RAPGEFL1: variants seen among roughly 807,000 people sequenced by gnomAD.
The protein encoded by RAPGEFL1 is Rap guanine nucleotide exchange factor like 1.
In RAPGEFL1, 31 loss-of-function variants were observed where a neutral mutation model predicts 64.4. The ratio of observed to expected loss-of-function variants is 0.48; its 90% CI spans 0.36 to 0.65. The LOEUF is 0.65. RAPGEFL1 is among the 30% of genes least tolerant of loss of function. The probability of loss-of-function intolerance (pLI) is 0.00; values close to 1 mark genes in which losing one functional copy is unlikely to be tolerated. For synonymous variants in RAPGEFL1, 331 were observed against 274.1 expected, an observed-to-expected ratio of 1.21 and a Z score of -2.05; for missense variants, 682 against 677.4, an observed-to-expected ratio of 1.01 and a Z score of -0.08.
intron 5 of RAPGEFL1, 74 bp from the exon 6 acceptor site, chr17:40,189,134 G>A: frequency 1.3e-6 from 2 of 1,538,582 alleles, no homozygotes; most frequent in Non-Finnish European, 1.8e-6. Flanking sequence ...GGGAATAGAG[G>A]CACCCTGGAG....
In RAPGEFL1 at chr17:40,184,312, T is replaced by C. The variant is rs780401699; in HGVS notation, c.698T>C (p.Leu233Pro). Residue 233 changes from leucine to proline, a missense_variant, in exon 3 of 15, where the codon CTG becomes CCG. By Grantham distance (98) the Leu-to-Pro change is moderately conservative (BLOSUM62 -3). Transcript: ENST00000620260. ...CATTTCTTGGACACCTACCAGGGGC[T>C]GCTTCAAGAGGAAGAGGGGGCCGGC... ...LLHFLDTYQG[L>P]LQEEEGAGHI... The C allele has an allele frequency of 1.9e-6, 3 of 1,613,488 alleles. No homozygotes were observed. In the South Asian group the frequency reaches 3.3e-5, roughly 18 times the overall value.
At chr17:40,192,777 C>T (rs964860885) in intron 12 of RAPGEFL1, 84 bp downstream of exon 12, 32 of 1,433,910 alleles carry the variant, frequency 2.2e-5, no homozygotes, top group East Asian at 9.1e-5. Flanking sequence ...AGCTCCCTCT[C>T]GACTCAGCCC....
chr17:40,181,434 G>C lies in RAPGEFL1; in HGVS notation c.521-182G>C, dbSNP rs926887921. ...AGCTGCCGAACCCACCCTCGCAGTG[G>C]CTGCCCAGAACCTTTACACATGTAT... is the stretch of plus-strand genomic sequence containing the variant. On this transcript the variant is annotated intron_variant, in intron 1 of 14. Coordinates refer to ENST00000620260, the MANE Select transcript of RAPGEFL1 (RefSeq NM_016339.6). 3 of 664,504 alleles carry C rather than the reference G, an allele frequency of 4.5e-6. No homozygotes were observed. In the African/African-American group the frequency reaches 5.3e-5, roughly 12 times the overall value. 41.2% of individuals were successfully genotyped at this position (664,504 alleles called of 1,614,324 possible). A position where few individuals can be genotyped will look rare whatever the true frequency, so the allele number is the denominator to read the frequency against.
At chr17:40,193,564 A>C (rs1284482614) in intron 14 of RAPGEFL1, 100 bp from the exon 15 acceptor site, 1 of 1,597,494 alleles carries the variant, frequency 6.3e-7, no homozygotes, top group Non-Finnish European at 8.6e-7. Context: ...CTTCCTGCCC[A>C]ACATCTGTCT....
Position 40,194,068 on chromosome 17 carries a change from G to C in RAPGEFL1, c.*280G>C. The C allele has an allele frequency of 3.0e-6, 1 of 337,342 alleles. No individual in the cohort carries two copies. Among genetic ancestry groups the C allele is most frequent in the South Asian group, 3.8e-5 (1 of 26,528 alleles). The allele number at this position is 337,342 out of a possible 1,614,324, so 20.9% of individuals were successfully genotyped here. A position where few individuals can be genotyped will look rare whatever the true frequency, so the allele number is the denominator to read the frequency against. ...CCTCTATGTCCTCCCATCGAGATCT[G>C]TTCTGGGGATGGAGCTTCCAACTTC... is the stretch of plus-strand genomic sequence containing the variant. On this transcript the variant is annotated 3_prime_UTR_variant, in exon 15 of 15. Coordinates refer to ENST00000620260, the MANE Select transcript of RAPGEFL1 (RefSeq NM_016339.6).
chr17:40,189,487 T>A (rs1990188033), intron 6 of RAPGEFL1, 112 bp downstream of exon 6: 1 of 1,238,020 alleles, frequency 8.1e-7, no homozygotes, highest in African/African-American at 1.5e-5. Flanking sequence ...CAAAGTATGG[T>A]CCCGGGACAA....
At position 40,178,237 on chromosome 17, in the gene RAPGEFL1, T is replaced by C; in HGVS notation, c.376T>C (p.Tyr126His). 1.6e-6 allele frequency: 1 copy of C among 637,526 alleles called. No individual in the cohort carries two copies. The allele number at this position is 637,526 out of a possible 1,614,324, so 39.5% of individuals were successfully genotyped here. A position where few individuals can be genotyped will look rare whatever the true frequency, so the allele number is the denominator to read the frequency against. The stretch of plus-strand genomic sequence containing the variant: ...GGGGCCCCTGCGCTCCCCTTCCTCC[T>C]ACTCATCTGACGAGCTGTCCCCAGG... ...GGGPLRSPSS[Y>H]SSDELSPGEP... Residue 126 changes from tyrosine to histidine, a missense_variant, in exon 1 of 15, where the codon TAC (tyrosine) becomes CAC (histidine). Physicochemically the swap from Tyr to His is moderately conservative, Grantham distance 83 (BLOSUM62 2). Around this residue, in one of 2 missense-constraint regions of RAPGEFL1, gnomAD observed 271 missense variants for 158.0 expected, o/e 1.72. Transcript: ENST00000620260.
At chr17:40,186,290 C>T (rs1289107626) in intron 4 of RAPGEFL1, among the ~76,000 whole-genome samples, 45 of 148,136 alleles carry the variant, frequency 3.0e-4, no homozygotes, top group Admixed American at 6.1e-4. Context: ...AAAAAAAGGC[C>T]GGGCGCGGTG....
chr17:40,178,242 A>G lies in RAPGEFL1; in HGVS notation c.381A>G (p.Ser127=), dbSNP rs1282514515. 3 of 641,650 alleles carry G rather than the reference A, an allele frequency of 4.7e-6. No individual in the cohort carries two copies. The highest frequency in any genetic ancestry group is 5.7e-6 in the Non-Finnish European group (2 of 353,546). The allele number at this position is 641,650 out of a possible 1,614,324, so 39.7% of individuals were successfully genotyped here. A position where few individuals can be genotyped will look rare whatever the true frequency, so the allele number is the denominator to read the frequency against. ...CCCTGCGCTCCCCTTCCTCCTACTC[A>G]TCTGACGAGCTGTCCCCAGGCGAGC... ...GGPLRSPSSY[S]SDELSPGEPL... Residue 127 remains serine, a synonymous_variant, in exon 1 of 15, where the codon TCA becomes TCG. Coordinates refer to ENST00000620260, the MANE Select transcript of RAPGEFL1 (RefSeq NM_016339.6).
intron 12 of RAPGEFL1, 37 bp downstream of exon 12, chr17:40,192,730 C>T: frequency 1.3e-6 from 2 of 1,570,906 alleles, no homozygotes; most frequent in Non-Finnish European, 1.8e-6. Flanking sequence ...CGCTTCCACC[C>T]ATGCTTCCCT....
chr17:40,191,525 C>T lies in RAPGEFL1; in HGVS notation c.1514+31C>T, dbSNP rs1212934287. 2.6e-6 allele frequency: 4 copies of T among 1,566,488 alleles called. No individual in the cohort carries two copies. The highest frequency in any genetic ancestry group is 2.2e-4 in the Middle Eastern group (1 of 4,460). ...TGCGGCCGTCGGCGGGATGGGGGGC[C>T]GGAGGCCGGAGGCCCGCGCCGCCGC... is the stretch of plus-strand genomic sequence containing the variant. On this transcript the variant is annotated intron_variant, in intron 9 of 14. Coordinates refer to ENST00000620260, the MANE Select transcript of RAPGEFL1 (RefSeq NM_016339.6). This position sits in a 1 kb window ranked among gnomAD's most constrained non-coding sequence, Gnocchi z 5.1.
chr17:40,179,259 G>A (rs1174283278), intron 1 of RAPGEFL1, among the ~76,000 whole-genome samples: 2 of 152,166 alleles, frequency 1.3e-5, no homozygotes, highest in African/African-American at 2.4e-5. Flanking sequence ...TAGAGACAGG[G>A]GTTTCACCGT....
In RAPGEFL1 at chr17:40,194,755, C is replaced by T. The variant is rs1990405667; in HGVS notation, c.*967C>T. ...GAGGGAGTTGACATCCCCCTTCTGG[C>T]TCATGTGTCTGACACCAACAACATG... On this transcript the variant is annotated 3_prime_UTR_variant, in exon 15 of 15. Coordinates refer to ENST00000620260, the MANE Select transcript of RAPGEFL1 (RefSeq NM_016339.6). 6.6e-6 allele frequency: 1 copy of T among 152,500 alleles called. No homozygotes were observed. The highest frequency in any genetic ancestry group is 1.5e-5 in the Non-Finnish European group (1 of 68,184). The allele number at this position is 152,500 out of a possible 1,614,324, so 9.4% of individuals were successfully genotyped here.
Position 40,194,655 on chromosome 17 carries a change from T to C in RAPGEFL1, c.*867T>C, listed in dbSNP as rs1444928590. On this transcript the variant is annotated 3_prime_UTR_variant, in exon 15 of 15. Coordinates refer to ENST00000620260, the MANE Select transcript of RAPGEFL1 (RefSeq NM_016339.6). Reference sequence around the variant, plus strand: ...ACCCTCCCCCTGCCTTGCAGTGGGCTCGGGTAGAGCAGTATCAGGAGCTAG... The same window carrying C: ...ACCCTCCCCCTGCCTTGCAGTGGGCCCGGGTAGAGCAGTATCAGGAGCTAG... The C allele has an allele frequency of 6.6e-6, 1 of 152,630 alleles. No individual in the cohort carries two copies. Among genetic ancestry groups the C allele is most frequent in the Non-Finnish European group, 1.5e-5 (1 of 68,068 alleles). The allele number at this position is 152,630 out of a possible 1,614,324, so 9.5% of individuals were successfully genotyped here. A position where few individuals can be genotyped will look rare whatever the true frequency, so the allele number is the denominator to read the frequency against.
intron 4 of RAPGEFL1, among the ~76,000 whole-genome samples, chr17:40,185,217 G>A (rs1478210986): frequency 2.0e-5 from 3 of 152,192 alleles, no homozygotes; most frequent in Admixed American, 6.5e-5. Flanking sequence ...AACCAGTGCT[G>A]CAGGAGAAAG....
At chr17:40,187,713 C>T (rs1018309888) in intron 4 of RAPGEFL1, among the ~76,000 whole-genome samples, 1 of 151,754 alleles carries the variant, frequency 6.6e-6, no homozygotes, top group Non-Finnish European at 1.5e-5. Context: ...CAGGTTCACA[C>T]CATTCTCCTG....
At chr17:40,192,811 C>G in intron 12 of RAPGEFL1, 115 bp from the exon 13 acceptor site, 5 of 1,332,550 alleles carry the variant, frequency 3.8e-6, no homozygotes, top group Non-Finnish European at 5.4e-6. Context: ...GGAGAGGAGC[C>G]CCCCACCACA....
chr17:40,190,785 T>C (rs1440261618), intron 8 of RAPGEFL1, 23 bp downstream of exon 8: 2 of 1,613,256 alleles, frequency 1.2e-6, no homozygotes. Flanking sequence ...GCTGGTGCTA[T>C]GCTGGGGGGC....
At chr17:40,189,039 G>C (rs974787999) in intron 5 of RAPGEFL1, 61 bp downstream of exon 5, 17 of 1,521,568 alleles carry the variant, frequency 1.1e-5, no homozygotes, top group Non-Finnish European at 1.4e-5. Flanking sequence ...CATATCTCTG[G>C]GTCTTGAGCA....
Sources: allele counts gnomAD v4.1 joint callset (sites outside exome capture counted in the v4.1 genomes callset), GRCh38; gene constraint gnomAD v4.1.1; regional missense constraint gnomAD v4.1.1; non-coding constraint Gnocchi (gnomAD v3.1); transcripts MANE v1.5; gene names NCBI Gene and HGNC (gene_info 2026-07-23, HGNC 2026-07-21).